SLC24A2: variants seen among roughly 807,000 people sequenced by gnomAD.
SLC24A2 encodes sodium/potassium/calcium exchanger 2.
In SLC24A2, 36 loss-of-function variants were observed where a neutral mutation model predicts 62.0. The observed-to-expected ratio is 0.58, with a 90% confidence interval of 0.44 to 0.77. The LOEUF (loss-of-function observed/expected upper bound fraction) is 0.77, where lower values mean the gene tolerates loss of function less well. Among genes scored for constraint, SLC24A2 ranks in the 30% least tolerant of loss-of-function variants. The pLI is 0.00. For synonymous variants in SLC24A2, 358 were observed against 294.0 expected, an observed-to-expected ratio of 1.22 and a Z score of -2.23; for missense variants, 846 against 817.9, an observed-to-expected ratio of 1.03 and a Z score of -0.42.
At chr9:20,035,165 C>T in the SLC24A2 span, among the ~76,000 whole-genome samples, 1 of 152,024 alleles carries the variant, frequency 6.6e-6, no homozygotes, top group Non-Finnish European at 1.5e-5. Flanking sequence ...TTAGGAAAAC[C>T]ATTTAAGGTC....
chr9:20,031,464 A>T, the SLC24A2 span, among the ~76,000 whole-genome samples: 1 of 150,796 alleles, frequency 6.6e-6, no homozygotes, highest in Non-Finnish European at 1.5e-5. Flanking sequence ...GTGCATTGAA[A>T]TGCTAAGAAT....
the SLC24A2 span, among the ~76,000 whole-genome samples, chr9:19,956,278 C>T: frequency 6.6e-6 from 1 of 152,212 alleles, no homozygotes; most frequent in Non-Finnish European, 1.5e-5. Context: ...ATCTCTGCTC[C>T]ATAATTTGTT....
chr9:19,897,975 G>C, the SLC24A2 span, among the ~76,000 whole-genome samples: 17 of 152,208 alleles, frequency 1.1e-4, no homozygotes, highest in Non-Finnish European at 1.5e-4. Context: ...TCCGGTCAGG[G>C]AAAGAGAATT....
At chr9:20,268,762 T>C in the SLC24A2 span, among the ~76,000 whole-genome samples, 2 of 152,210 alleles carry the variant, frequency 1.3e-5, no homozygotes, top group African/African-American at 4.8e-5. Context: ...TCAGGCATCC[T>C]TCCAGGGCCT....
chr9:19,789,009 G>T lies in SLC24A2; in HGVS notation c.-278C>A. On this transcript the variant is annotated 5_prime_UTR_variant, in exon 1 of 11. Coordinates refer to ENST00000341998, the MANE Select transcript of SLC24A2 (RefSeq NM_020344.4). The stretch of plus-strand genomic sequence containing the variant: ...CTGGCTCGCACTGGCTGCCGCTCTC[G>T]CCAGCCGGGCTGGGTTCGGGAGGAG... The T allele has an allele frequency of 4.3e-6, 4 of 938,364 alleles. No homozygotes were observed. The highest frequency in any genetic ancestry group is 5.1e-6 in the Non-Finnish European group (4 of 786,986). 58.1% of individuals were successfully genotyped at this position (938,364 alleles called of 1,614,324 possible).
chr9:19,845,489 T>G, the SLC24A2 span, among the ~76,000 whole-genome samples: 1 of 152,212 alleles, frequency 6.6e-6, no homozygotes, highest in Non-Finnish European at 1.5e-5. Context: ...CTTGTTTTCC[T>G]ATTTGTATCC....
intron 2 of SLC24A2, among the ~76,000 whole-genome samples, chr9:19,759,703 C>T (rs1486340623): frequency 6.6e-6 from 1 of 152,122 alleles, no homozygotes; most frequent in Non-Finnish European, 1.5e-5. Context: ...ATTTGCCAGG[C>T]ACTCTTTTAG....
chr9:19,948,614 T>C, the SLC24A2 span, among the ~76,000 whole-genome samples: 2 of 151,852 alleles, frequency 1.3e-5, no homozygotes, highest in Non-Finnish European at 2.9e-5. Context: ...TCCCAGCACT[T>C]TGGGAGGCCG....
At chr9:19,536,006 T>C (rs1833953923) in intron 8 of SLC24A2, among the ~76,000 whole-genome samples, 1 of 152,042 alleles carries the variant, frequency 6.6e-6, no homozygotes, top group Non-Finnish European at 1.5e-5. Context: ...TTGTGTCCTC[T>C]CTTATTTCCT....
chr9:19,876,353 G>C, the SLC24A2 span, among the ~76,000 whole-genome samples: 2 of 146,378 alleles, frequency 1.4e-5, no homozygotes, highest in Non-Finnish European at 3.0e-5. Flanking sequence ...TAAAATGTAT[G>C]TTTATTGAAG....
upstream of SLC24A2, among the ~76,000 whole-genome samples, chr9:19,790,330 A>G (rs1823299575): frequency 6.6e-6 from 1 of 152,210 alleles, no homozygotes; most frequent in Non-Finnish European, 1.5e-5. Flanking sequence ...TTGAACAATT[A>G]TGAACTCATG....
chr9:19,786,767 G>T lies in SLC24A2; in HGVS notation c.100C>A (p.Leu34Met). 1.2e-6 allele frequency: 2 copies of T among 1,601,872 alleles called. No individual in the cohort carries two copies. Among genetic ancestry groups the T allele is most frequent in the Non-Finnish European group, 1.7e-6 (2 of 1,173,512 alleles). Reference sequence around the variant, plus strand: ...AGGCCTAAGACTCGAATTAACTTCAGTTTTTTCTTGACACTATAATGTCTT... The same window carrying T: ...AGGCCTAAGACTCGAATTAACTTCATTTTTTTCTTGACACTATAATGTCTT... ...CRRHYSVKKK[L>M]KLIRVLGLFM... The change falls in exon 2 of 11, where the codon CTG (leucine) becomes ATG (methionine). Residue 34 changes from leucine to methionine, a missense_variant. Coordinates refer to ENST00000341998, the MANE Select transcript of SLC24A2 (RefSeq NM_020344.4). The surrounding 1 kb of genome is among the most constrained non-coding windows in gnomAD (Gnocchi z 5.0).
At chr9:20,208,748 A>G in the SLC24A2 span, among the ~76,000 whole-genome samples, 1 of 152,222 alleles carries the variant, frequency 6.6e-6, no homozygotes, top group Non-Finnish European at 1.5e-5. Context: ...CCAGAAGCTG[A>G]AACATAACTC....
intron 2 of SLC24A2, among the ~76,000 whole-genome samples, chr9:19,646,109 C>T (rs1818632033): frequency 1.3e-5 from 2 of 152,200 alleles, no homozygotes; most frequent in South Asian, 4.1e-4. Context: ...ACAATCACTG[C>T]TTCAAAGCAA....
the SLC24A2 span, among the ~76,000 whole-genome samples, chr9:20,152,052 T>A: frequency 6.6e-6 from 1 of 151,872 alleles, no homozygotes; most frequent in Non-Finnish European, 1.5e-5. Flanking sequence ...TATCCAGCCT[T>A]GGGTTTTCAC....
At chr9:19,906,008 A>C in the SLC24A2 span, among the ~76,000 whole-genome samples, 1 of 152,146 alleles carries the variant, frequency 6.6e-6, no homozygotes, top group Admixed American at 6.5e-5. Context: ...CTCCACCCCA[A>C]ATCAACAGAA....
the SLC24A2 span, among the ~76,000 whole-genome samples, chr9:20,236,388 T>C: frequency 2.0e-5 from 3 of 152,224 alleles, no homozygotes; most frequent in African/African-American, 7.2e-5. Flanking sequence ...AACAGCTGTT[T>C]ATTGATTTCC....
Position 19,513,938 on chromosome 9 carries a change from C to T in SLC24A2, c.*2215G>A, listed in dbSNP as rs1354281189. ...CTGACCTTGATGAATGAGATTCATTCCCATTAGGTGGCAGGTTCCACTCAG... is the reference window on the plus strand; with the variant it reads ...CTGACCTTGATGAATGAGATTCATTTCCATTAGGTGGCAGGTTCCACTCAG... On this transcript the variant is annotated 3_prime_UTR_variant, in exon 11 of 11. Coordinates refer to ENST00000341998, the MANE Select transcript of SLC24A2 (RefSeq NM_020344.4). 1.3e-5 allele frequency: 2 copies of T among 152,160 alleles called. No homozygotes were observed. Among genetic ancestry groups the T allele is most frequent in the African/African-American group, 4.8e-5 (2 of 41,430 alleles). The allele number at this position is 152,160 out of a possible 1,614,324, so 9.4% of individuals were successfully genotyped here.
chr9:20,058,578 C>A, the SLC24A2 span, among the ~76,000 whole-genome samples: 1 of 151,680 alleles, frequency 6.6e-6, no homozygotes, highest in Non-Finnish European at 1.5e-5. Flanking sequence ...ACAATGACTC[C>A]CCCATGTAAA....
Sources: gnomAD v4.1 joint callset for allele counts (sites outside exome capture counted in the v4.1 genomes callset) on GRCh38, gnomAD v4.1.1 for gene constraint, Gnocchi (gnomAD v3.1) non-coding constraint, MANE v1.5 for transcripts, NCBI Gene and HGNC (gene_info 2026-07-23, HGNC 2026-07-21) for gene names.